Variants in NCOR1 observed in about 807,000 individuals in gnomAD.
The protein encoded by NCOR1 is protein phosphatase 1, regulatory subunit 109.
NCOR1 carries 63 observed loss-of-function variants against 288.1 expected under a neutral mutation model. The ratio of observed to expected loss-of-function variants is 0.22; its 90% confidence interval spans 0.18 to 0.27. NCOR1 has a LOEUF of 0.27. NCOR1 is among the 10% of genes least tolerant of loss of function. NCOR1 has a pLI of 1.00. For synonymous variants in NCOR1, 1,007 were observed against 1,065.9 expected (o/e 0.94, Z 1.08); for missense variants, 2,397 against 3,019.2 (o/e 0.79, Z 4.83).
intron 42 of NCOR1, among the ~76,000 whole-genome samples, chr17:16,044,124 G>A (rs1004183584): frequency 2.1e-5 from 3 of 143,940 alleles, no homozygotes; most frequent in Non-Finnish European, 1.5e-5. Flanking sequence ...AGCCGAGATC[G>A]TGCCACTGCA....
At chr17:16,149,603 A>T in intron 8 of NCOR1, 86 bp from the exon 9 acceptor site, 1 of 526,224 alleles carries the variant, frequency 1.9e-6, no homozygotes, top group Non-Finnish European at 3.4e-6. Context: ...ACACTGGAAA[A>T]TAGGCAAAGA....
At chr17:16,079,236 G>T (rs1288098087) in intron 26 of NCOR1, among the ~76,000 whole-genome samples, 1 of 152,196 alleles carries the variant, frequency 6.6e-6, no homozygotes, top group Non-Finnish European at 1.5e-5. Flanking sequence ...AGGTGATTCT[G>T]ATGCTCCTGG....
intron 1 of NCOR1, among the ~76,000 whole-genome samples, chr17:16,204,701 TAGAC>T (rs1208480839): frequency 6.6e-6 from 1 of 152,206 alleles, no homozygotes; most frequent in Non-Finnish European, 1.5e-5. Flanking sequence ...GTCACATAAA[TAGAC>T]TAATAAGAGT....
chr17:16,134,477 G>C (rs1015721339), intron 14 of NCOR1, among the ~76,000 whole-genome samples: 6 of 152,162 alleles, frequency 3.9e-5, no homozygotes, highest in Admixed American at 3.9e-4. Context: ...GGTATACATG[G>C]CAATTCTCAC....
intron 21 of NCOR1, among the ~76,000 whole-genome samples, chr17:16,092,301 C>T (rs1598445250): frequency 6.6e-6 from 1 of 152,114 alleles, no homozygotes; most frequent in East Asian, 1.9e-4. Flanking sequence ...ACCAGCCTGG[C>T]TGGTATTTTG....
In NCOR1 at chr17:16,126,225, A is replaced by G; in HGVS notation, c.1510-19T>C. 6.7e-7 allele frequency: 1 copy of G among 1,499,478 alleles called. No homozygotes were observed. The highest frequency in any genetic ancestry group is 8.9e-7 in the Non-Finnish European group (1 of 1,129,600). 92.9% of individuals were successfully genotyped at this position (1,499,478 alleles called of 1,614,324 possible). ...CAATTTGCTGCTAGAATGAACCATCATTTGTAAAATTCAAAGGCAAACAGA... is the reference window on the plus strand; with the variant it reads ...CAATTTGCTGCTAGAATGAACCATCGTTTGTAAAATTCAAAGGCAAACAGA... On this transcript the variant is annotated intron_variant, in intron 14 of 45. Transcript: ENST00000268712.
At chr17:16,034,630 T>G in intron 45 of NCOR1, 135 bp downstream of exon 45, 1 of 806,436 alleles carries the variant, frequency 1.2e-6, no homozygotes, top group East Asian at 2.5e-5. Context: ...TTCGGGAAAG[T>G]GGAACATATT....
At chr17:16,076,373 T>C (rs1246096767) in intron 26 of NCOR1, among the ~76,000 whole-genome samples, 2 of 152,184 alleles carry the variant, frequency 1.3e-5, no homozygotes. Context: ...TACAGTGCAG[T>C]GGTGGTTCAA....
intron 18 of NCOR1, among the ~76,000 whole-genome samples, chr17:16,112,350 A>G (rs973724576): frequency 6.6e-6 from 1 of 152,202 alleles, no homozygotes; most frequent in Non-Finnish European, 1.5e-5. Context: ...CGCTTTGTAT[A>G]CACACTTTTA....
At chr17:16,187,962 A>G (rs2087067352) in intron 2 of NCOR1, among the ~76,000 whole-genome samples, 1 of 151,934 alleles carries the variant, frequency 6.6e-6, no homozygotes, top group African/African-American at 2.4e-5. Context: ...CAGAAAATGA[A>G]TTGGTGGTTG....
At chr17:16,048,731 G>T in intron 41 of NCOR1, 114 bp downstream of exon 41, 1 of 1,133,262 alleles carries the variant, frequency 8.8e-7, no homozygotes, top group Non-Finnish European at 1.2e-6. Context: ...CTCTAAGAAT[G>T]CCATCCAGAC....
chr17:16,107,196 A>G (rs1286804454), intron 19 of NCOR1, among the ~76,000 whole-genome samples: 1 of 151,944 alleles, frequency 6.6e-6, no homozygotes, highest in East Asian at 1.9e-4. Flanking sequence ...CGCCCGGCCC[A>G]GATAGACATA....
chr17:16,152,684 G>A (rs2079068581), intron 7 of NCOR1, among the ~76,000 whole-genome samples: 1 of 152,080 alleles, frequency 6.6e-6, no homozygotes, highest in Admixed American at 6.5e-5. Context: ...TGGGATCGCT[G>A]GGTCAAATGG....
intron 4 of NCOR1, 89 bp downstream of exon 4, chr17:16,171,714 C>T: frequency 1.6e-6 from 2 of 1,212,878 alleles, no homozygotes; most frequent in Non-Finnish European, 2.2e-6. Flanking sequence ...ACTGGTGTAA[C>T]TGGACTTTCT....
At position 16,057,696 on chromosome 17, in the gene NCOR1, C is replaced by T. The variant is rs1037114653; in HGVS notation, c.6210G>A (p.Ser2070=). The T allele has an allele frequency of 1.1e-5, 17 of 1,613,344 alleles. No individual in the cohort carries two copies. Among genetic ancestry groups the T allele is most frequent in the African/African-American group, 2.7e-5 (2 of 74,670 alleles). Residue 2070 remains serine (S), a synonymous_variant, in exon 40 of 46, where the codon TCG becomes TCA. Transcript: ENST00000268712. The part of the protein sequence containing the change: ...TQDFARNQVS[S]QTPQQPPTST... Reference sequence around the variant, plus strand: ...AAGTAGGAGGCTGCTGGGGAGTCTGCGAGGAAACTTGATTTCTAGCAAAAT... The same window carrying T: ...AAGTAGGAGGCTGCTGGGGAGTCTGTGAGGAAACTTGATTTCTAGCAAAAT...
At chr17:16,036,577 T>C (rs2056416392) in intron 44 of NCOR1, among the ~76,000 whole-genome samples, 3 of 152,258 alleles carry the variant, frequency 2.0e-5, no homozygotes, top group African/African-American at 7.2e-5. Context: ...TAGCTAGGTC[T>C]TCTGAGTAAC....
intron 13 of NCOR1, 42 bp from the exon 14 acceptor site, chr17:16,137,454 TAAAG>T: frequency 8.9e-7 from 1 of 1,122,664 alleles, no homozygotes; most frequent in South Asian, 1.8e-5. Flanking sequence ...TCCAATGAAA[TAAAG>T]AAATTTTTTA....
intron 5 of NCOR1, among the ~76,000 whole-genome samples, chr17:16,159,870 G>A (rs1396450049): frequency 1.4e-5 from 2 of 146,368 alleles, no homozygotes; most frequent in African/African-American, 5.1e-5. Context: ...ATGGAGTCTT[G>A]CTCTGTCACC....
At chr17:16,197,316 G>A (rs1324231836) in intron 1 of NCOR1, among the ~76,000 whole-genome samples, 11 of 149,330 alleles carry the variant, frequency 7.4e-5, no homozygotes, top group East Asian at 1.9e-4. Context: ...TCCAGACTCC[G>A]TCTCCAAAAA....
Sources: gnomAD v4.1 joint callset for allele counts (sites outside exome capture counted in the v4.1 genomes callset) on GRCh38, gnomAD v4.1.1 for gene constraint, MANE v1.5 for transcripts, NCBI Gene and HGNC (gene_info 2026-07-23, HGNC 2026-07-21) for gene names.